Variants in LDLRAD2 observed in about 807,000 individuals in gnomAD.
LDLRAD2 encodes the protein low density lipoprotein receptor class A domain containing 2.
LDLRAD2 carries 25 observed loss-of-function variants against 24.9 expected under a neutral mutation model. That is an observed-to-expected ratio of 1.00 (90% confidence interval 0.73 to 1.40). The LOEUF (loss-of-function observed/expected upper bound fraction) is 1.40, where lower values mean the gene tolerates loss of function less well. Among genes scored for constraint, LDLRAD2 ranks in the 40% most tolerant of loss-of-function variants. The pLI, the probability that LDLRAD2 is intolerant of heterozygous loss-of-function variation, is 0.00. For missense variants in LDLRAD2, 391 were observed against 366.2 expected, an observed-to-expected ratio of 1.07 and a Z score of -0.55; for synonymous variants, 182 against 166.7, an observed-to-expected ratio of 1.09 and a Z score of -0.71.
chr1:21,813,305 A>T (rs193269716), intron 1 of LDLRAD2, among the ~76,000 whole-genome samples: 195 of 152,162 alleles, frequency 1.3e-3, no homozygotes, highest in African/African-American at 3.3e-3. Flanking sequence ...AAGAAATAAA[A>T]AAAAAAAAGG....
intron 2 of LDLRAD2, among the ~76,000 whole-genome samples, 156 bp from the exon 3 acceptor site, chr1:21,815,787 C>T (rs990630151): frequency 2.6e-5 from 4 of 152,178 alleles, no homozygotes; most frequent in South Asian, 2.1e-4. Flanking sequence ...CCTCCACCCT[C>T]CTCCCCATGA....
chr1:21,822,013 T>G, intron 4 of LDLRAD2, 189 bp from the exon 5 acceptor site: 1 of 1,433,334 alleles, frequency 7.0e-7, no homozygotes, highest in Admixed American at 2.8e-5. Flanking sequence ...GGTCAGACTC[T>G]TTGGGTTCTA....
At position 21,823,741 on chromosome 1, in the gene LDLRAD2, C is replaced by A; in HGVS notation, c.*1526C>A. ...CTCCCTGCAGTGGAACTGGGTCAGG[C>A]CCCTTTCCACAAACTTCCTGGTCCT... On this transcript the variant is annotated 3_prime_UTR_variant, in exon 5 of 5. Coordinates refer to ENST00000344642, the MANE Select transcript of LDLRAD2 (RefSeq NM_001013693.3). The A allele has an allele frequency of 1.3e-6, 2 of 1,597,054 alleles. No homozygotes were observed. The highest frequency in any genetic ancestry group is 1.7e-6 in the Non-Finnish European group (2 of 1,165,836).
At chr1:21,813,299 AAT>A (rs1472883506) in intron 1 of LDLRAD2, among the ~76,000 whole-genome samples, 135 of 148,308 alleles carry the variant, frequency 9.1e-4, no homozygotes, top group African/African-American at 3.2e-3. Context: ...GTCTCAAAGA[AAT>A]AAAAAAAAAA....
At chr1:21,815,882 A>T in intron 2 of LDLRAD2, 61 bp from the exon 3 acceptor site, 1 of 1,593,736 alleles carries the variant, frequency 6.3e-7, no homozygotes, top group Non-Finnish European at 8.5e-7. Flanking sequence ...GGGGCCACAC[A>T]TCCTGCTGTG....
chr1:21,814,786 C>T lies in LDLRAD2; in HGVS notation c.474C>T (p.Arg158=). Residue 158 remains arginine (R), a synonymous_variant, in exon 2 of 5, where the codon CGC becomes CGT. Transcript: ENST00000344642. ...LRLVTRGRQP[R]VDFVGEVTSF... ...TGGTCACGAGAGGCCGCCAGCCCCG[C>T]GTGGACTTCGTGGGCGAAGTCACCT... 1 of 1,474,434 alleles carries T rather than the reference C, an allele frequency of 6.8e-7. No homozygotes were observed. Among genetic ancestry groups the T allele is most frequent in the Non-Finnish European group, 8.9e-7 (1 of 1,119,232 alleles). The allele number at this position is 1,474,434 out of a possible 1,614,324, so 91.3% of individuals were successfully genotyped here. A position where few individuals can be genotyped will look rare whatever the true frequency, so the allele number is the denominator to read the frequency against.
chr1:21,815,632 TA>T (rs1224332367), intron 2 of LDLRAD2, among the ~76,000 whole-genome samples: 1 of 151,964 alleles, frequency 6.6e-6, no homozygotes, highest in Non-Finnish European at 1.5e-5. Context: ...AAAAATAATT[TA>T]AAAAATATAA....
In LDLRAD2 at chr1:21,816,034, T is replaced by C. The variant is rs751169609; in HGVS notation, c.603T>C (p.Asp201=). ...CCTGGGGCATGGACAACTGTGGCGA[T>C]GGCAGTGACCAGGGCTCCTGGTCAC... ...CDPWGMDNCG[D]GSDQGSWSPA... The change falls in exon 3 of 5, where the codon GAT becomes GAC. Residue 201 remains aspartate (D), a synonymous_variant. Transcript: ENST00000344642. The C allele has an allele frequency of 1.9e-6, 3 of 1,613,670 alleles. No individual in the cohort carries two copies. Among genetic ancestry groups the C allele is most frequent in the Non-Finnish European group, 2.5e-6 (3 of 1,180,012 alleles).
At chr1:21,821,745 C>T (rs952464036) in intron 4 of LDLRAD2, 134 bp downstream of exon 4, 21 of 1,495,498 alleles carry the variant, frequency 1.4e-5, no homozygotes, top group East Asian at 2.3e-5. Flanking sequence ...TGAGGGGTGG[C>T]GCTGGCCTCC....
At chr1:21,814,346 T>A in intron 1 of LDLRAD2, 52 bp from the exon 2 acceptor site, 1 of 1,459,480 alleles carries the variant, frequency 6.9e-7, no homozygotes, top group Non-Finnish European at 9.2e-7. Flanking sequence ...GGGGACAGAG[T>A]AGAGTTCGGG....
intron 1 of LDLRAD2, 137 bp downstream of exon 1, chr1:21,812,673 T>G: frequency 1.4e-6 from 1 of 693,404 alleles, no homozygotes; most frequent in Non-Finnish European, 2.4e-6. Context: ...AAACTGTGTC[T>G]GGTCTTGCTT....
chr1:21,812,572 G>T (rs767060404), intron 1 of LDLRAD2, 36 bp downstream of exon 1: 9 of 1,551,426 alleles, frequency 5.8e-6, no homozygotes, highest in South Asian at 1.1e-5. Flanking sequence ...GCACCCAGAA[G>T]ACTTGGGCCC....
rs775723776 is a variant in LDLRAD2 at position 21,824,601 on chromosome 1, G to A, written c.*2386G>A. The A allele has an allele frequency of 1.2e-6, 2 of 1,613,908 alleles. No homozygotes were observed. The highest frequency in any genetic ancestry group is 4.5e-5 in the East Asian group (2 of 44,898). On this transcript the variant is annotated 3_prime_UTR_variant, in exon 5 of 5. Transcript: ENST00000344642. This position sits in a 1 kb window ranked among gnomAD's most constrained non-coding sequence, Gnocchi z 5.9. The stretch of plus-strand genomic sequence containing the variant: ...CCGAACCTCCAGCTCGATGGTCTCG[G>A]GCACCTCGGGCAGGCTGCGGAGGAA...
rs2097956288 is a variant in LDLRAD2, at chr1:21,823,159, G to T, written c.*944G>T. 1.6e-5 allele frequency: 11 copies of T among 690,708 alleles called. No homozygotes were observed. In the South Asian group the frequency reaches 2.8e-4, roughly 17 times the overall value. The allele number at this position is 690,708 out of a possible 1,614,324, so 42.8% of individuals were successfully genotyped here. ...GGCTTTGCCCAGCTGTGTGTGTGAG[G>T]GTGGCATGCCCACCTCCAGTCCAGC... On this transcript the variant is annotated 3_prime_UTR_variant, in exon 5 of 5. Coordinates refer to ENST00000344642, the MANE Select transcript of LDLRAD2 (RefSeq NM_001013693.3).
rs528078597 is a variant in LDLRAD2, at chr1:21,825,180, T to A, written c.*2965T>A. ...GAGATCACCAGATCTTGTTATTTGA[T>A]GTGTTAATAAAGAAGCACATATATA... On this transcript the variant is annotated 3_prime_UTR_variant, in exon 5 of 5. Transcript: ENST00000344642. The A allele has an allele frequency of 2.6e-4, 75 of 290,070 alleles. No individual in the cohort carries two copies. The highest frequency in any genetic ancestry group is 3.0e-4 in the Non-Finnish European group (45 of 149,368). The allele number at this position is 290,070 out of a possible 1,614,324, so 18.0% of individuals were successfully genotyped here. A position where few individuals can be genotyped will look rare whatever the true frequency, so the allele number is the denominator to read the frequency against.
At chr1:21,821,312 T>G in intron 3 of LDLRAD2, 138 bp from the exon 4 acceptor site, 1 of 1,132,196 alleles carries the variant, frequency 8.8e-7, no homozygotes, top group South Asian at 1.5e-5. Context: ...CTAATTGAAC[T>G]CGGCAAGTGA....
chr1:21,814,743 C>G lies in LDLRAD2; in HGVS notation c.431C>G (p.Pro144Arg), dbSNP rs2097942141. 1 of 1,532,742 alleles carries G rather than the reference C, an allele frequency of 6.5e-7. No homozygotes were observed. Among genetic ancestry groups the G allele is most frequent in the African/African-American group, 1.4e-5 (1 of 72,216 alleles). The allele number at this position is 1,532,742 out of a possible 1,614,324, so 94.9% of individuals were successfully genotyped here. ...NIPVPVASSGPFLGLRLVTRG... is the reference protein window; with the variant it reads ...NIPVPVASSGRFLGLRLVTRG... The stretch of plus-strand genomic sequence containing the variant: ...CCGGTGCCTGTGGCATCCTCCGGAC[C>G]CTTTCTAGGCCTGCGCCTGGTCACG... Residue 144 changes from proline to arginine, a missense_variant, in exon 2 of 5, where the codon CCC (proline) becomes CGC (arginine). Pro to Arg is a moderately radical substitution (Grantham distance 103). Transcript: ENST00000344642.
chr1:21,818,295 A>G (rs546206977), intron 3 of LDLRAD2, among the ~76,000 whole-genome samples: 1 of 152,212 alleles, frequency 6.6e-6, no homozygotes, highest in African/African-American at 2.4e-5. Flanking sequence ...TACAGGCGTG[A>G]GCCTCCGCAC....
At chr1:21,815,632 T>TA (rs1224332367) in intron 2 of LDLRAD2, among the ~76,000 whole-genome samples, 4 of 151,964 alleles carry the variant, frequency 2.6e-5, no homozygotes, top group South Asian at 2.1e-4. Flanking sequence ...AAAAATAATT[T>TA]AAAAAATATA....
Sources: allele counts gnomAD v4.1 joint callset (sites outside exome capture counted in the v4.1 genomes callset), GRCh38; gene constraint gnomAD v4.1.1; non-coding constraint Gnocchi (gnomAD v3.1); transcripts MANE v1.5; gene names NCBI Gene and HGNC (gene_info 2026-07-23, HGNC 2026-07-21).